The following KALRN variants were observed in gnomAD, a reference collection of about 807,000 sequenced individuals.
KALRN encodes the protein kalirin.
In KALRN, 70 loss-of-function variants were observed where a neutral mutation model predicts 353.7. The observed-to-expected ratio is 0.20, with a 90% confidence interval of 0.16 to 0.24. The LOEUF is 0.24. Among genes scored for constraint, KALRN ranks in the 10% least tolerant of loss-of-function variants. The probability of loss-of-function intolerance (pLI) is 1.00; values close to 1 mark genes in which losing one functional copy is unlikely to be tolerated. For synonymous variants in KALRN, 1,391 were observed against 1,434.8 expected, an observed-to-expected ratio of 0.97 and a Z score of 0.69; for missense variants, 2,791 against 3,756.7, an observed-to-expected ratio of 0.74 and a Z score of 6.72.
At chr3:124,428,780 G>C (rs563316327) in intron 15 of KALRN, among the ~76,000 whole-genome samples, 1 of 152,224 alleles carries the variant, frequency 6.6e-6, no homozygotes, top group Non-Finnish European at 1.5e-5. Flanking sequence ...TGGGAAGCTT[G>C]TAAGTAGGGA....
At chr3:124,717,861 A>G (rs1418229434) in intron 59 of KALRN, among the ~76,000 whole-genome samples, 3 of 151,754 alleles carry the variant, frequency 2.0e-5, no homozygotes, top group Non-Finnish European at 4.4e-5. Flanking sequence ...GCCGAGGCTG[A>G]AGTGCAGTGG....
At chr3:124,692,839 G>T (rs2061882200) in intron 51 of KALRN, among the ~76,000 whole-genome samples, 2 of 152,198 alleles carry the variant, frequency 1.3e-5, no homozygotes, top group Admixed American at 1.3e-4. Context: ...GATGACCTCA[G>T]CCTATCTCCA....
chr3:124,065,289 C>A (rs2042264537), intron 1 of KALRN, among the ~76,000 whole-genome samples: 1 of 152,060 alleles, frequency 6.6e-6, no homozygotes, highest in East Asian at 1.9e-4. Context: ...CAAGATGAGC[C>A]CGGCCCTGTG....
At chr3:124,288,936 C>T (rs1320357093) in intron 5 of KALRN, among the ~76,000 whole-genome samples, 1 of 152,090 alleles carries the variant, frequency 6.6e-6, no homozygotes, top group African/African-American at 2.4e-5. Context: ...AATATTGAGT[C>T]CATAGATACT....
At chr3:124,170,448 C>CT (rs2071582738) in intron 1 of KALRN, among the ~76,000 whole-genome samples, 1 of 152,148 alleles carries the variant, frequency 6.6e-6, no homozygotes, top group Non-Finnish European at 1.5e-5. Context: ...CGTCACATGG[C>CT]TGGTGAATAA....
At position 124,234,842 on chromosome 3, in the gene KALRN, G is replaced by T; in HGVS notation, c.162G>T (p.Lys54Asn). 1 of 1,602,294 alleles carries T rather than the reference G, an allele frequency of 6.2e-7. No individual in the cohort carries two copies. Among genetic ancestry groups the T allele is most frequent in the Non-Finnish European group, 8.5e-7 (1 of 1,173,586 alleles). ...TCCTTCTTGCAGGGGGTCGTGATAA[G>T]CGAGGCGGACCCATCCTGACCTTCC... ...KVAFVSGGRD[K>N]RGGPILTFPA... The change falls in exon 3 of 60, where the codon AAG becomes AAT. Residue 54 changes from lysine to asparagine, a missense_variant. Transcript: ENST00000682506.
intron 1 of KALRN, among the ~76,000 whole-genome samples, chr3:124,098,882 G>A (rs1342538773): frequency 6.6e-6 from 1 of 152,188 alleles, no homozygotes; most frequent in Non-Finnish European, 1.5e-5. Context: ...AGTGACAGAA[G>A]TACAAAAATT....
At chr3:124,210,141 G>A (rs2076780615) in intron 1 of KALRN, among the ~76,000 whole-genome samples, 1 of 152,132 alleles carries the variant, frequency 6.6e-6, no homozygotes, top group Non-Finnish European at 1.5e-5. Context: ...TAAAATGCTA[G>A]TCTTTCCTAT....
intron 21 of KALRN, among the ~76,000 whole-genome samples, chr3:124,448,061 A>T (rs687487): frequency 0.29 from 44,574 of 152,158 alleles, 6,893 homozygotes; most frequent in South Asian, 0.35. Context: ...GCTGAATAGT[A>T]TGAGATCCAT....
intron 1 of KALRN, among the ~76,000 whole-genome samples, chr3:124,098,062 C>T (rs1393100684): frequency 1.3e-5 from 2 of 152,124 alleles, no homozygotes; most frequent in Non-Finnish European, 2.9e-5. Flanking sequence ...TCATGGGGAC[C>T]TGACAAGTAA....
At chr3:124,061,712 GT>G (rs377232240) in intron 1 of KALRN, among the ~76,000 whole-genome samples, 116 of 152,204 alleles carry the variant, frequency 7.6e-4, no homozygotes, top group Non-Finnish European at 1.5e-3. Flanking sequence ...TTTCAACATG[GT>G]TGTTACAGTA....
At chr3:124,696,551 A>T (rs1162148936) in intron 54 of KALRN, among the ~76,000 whole-genome samples, 5 of 152,094 alleles carry the variant, frequency 3.3e-5, no homozygotes, top group African/African-American at 4.8e-5. Flanking sequence ...ACCATTTTTT[A>T]AAAAATTCAA....
chr3:124,286,206 TC>T (rs2075888588), intron 5 of KALRN, among the ~76,000 whole-genome samples: 1 of 136,340 alleles, frequency 7.3e-6, no homozygotes, highest in Non-Finnish European at 1.7e-5. Context: ...TTCTCTTTTC[TC>T]TTTTTCTCTT....
At chr3:124,230,614 T>C (rs2079032256) in intron 2 of KALRN, among the ~76,000 whole-genome samples, 1 of 151,644 alleles carries the variant, frequency 6.6e-6, no homozygotes. Context: ...AGGTAGAAAA[T>C]TCCCTGAGTA....
chr3:124,060,446 A>T (rs1286968154), intron 1 of KALRN, among the ~76,000 whole-genome samples: 1 of 152,084 alleles, frequency 6.6e-6, no homozygotes, highest in African/African-American at 2.4e-5. Flanking sequence ...TCTATTTTTT[A>T]TTTAATGTTT....
chr3:124,346,219 G>A (rs1305049809), intron 9 of KALRN, among the ~76,000 whole-genome samples: 2 of 152,132 alleles, frequency 1.3e-5, no homozygotes, highest in Non-Finnish European at 2.9e-5. Context: ...TAGGCCATCT[G>A]CAAGAATGCA....
At chr3:124,202,935 T>C (rs971727281) in intron 1 of KALRN, among the ~76,000 whole-genome samples, 2 of 152,190 alleles carry the variant, frequency 1.3e-5, no homozygotes, top group African/African-American at 4.8e-5. Flanking sequence ...TCGTGCCAGC[T>C]GGCAGGCTGG....
intron 1 of KALRN, among the ~76,000 whole-genome samples, chr3:124,219,542 G>A (rs964249791): frequency 6.6e-6 from 1 of 152,214 alleles, no homozygotes. Context: ...AGTTTGCTTA[G>A]AAAAGCTCAG....
At chr3:124,638,983 G>A (rs1297692893) in intron 37 of KALRN, among the ~76,000 whole-genome samples, 3 of 152,110 alleles carry the variant, frequency 2.0e-5, no homozygotes, top group Admixed American at 6.6e-5. Flanking sequence ...GGAATCACTG[G>A]CCTATACATA....
Sources: gnomAD v4.1 joint callset for allele counts (sites outside exome capture counted in the v4.1 genomes callset) on GRCh38, gnomAD v4.1.1 for gene constraint, MANE v1.5 for transcripts, NCBI Gene and HGNC (gene_info 2026-07-23, HGNC 2026-07-21) for gene names.